MSH6: variants seen among roughly 807,000 people sequenced by gnomAD.
MSH6 encodes mutS homolog 6.
In MSH6, 85 loss-of-function variants were observed where a neutral mutation model predicts 119.1. The ratio of observed to expected loss-of-function variants is 0.71; its 90% CI spans 0.60 to 0.85. The LOEUF (loss-of-function observed/expected upper bound fraction) is 0.85, where lower values mean the gene tolerates loss of function less well. MSH6 is among the 40% of genes least tolerant of loss of function. The pLI is 0.00. For missense variants in MSH6, 2,163 were observed against 1,655.3 expected, an observed-to-expected ratio of 1.31 and a Z score of -5.32; for synonymous variants, 830 against 586.9, an observed-to-expected ratio of 1.41 and a Z score of -5.99.
In MSH6 at chr2:47,783,171, G is replaced by C. The variant is rs1668102693; in HGVS notation, c.-63G>C. On this transcript the variant is annotated 5_prime_UTR_variant, in exon 1 of 10. Transcript: ENST00000234420. ...GATTTCCCGCCAGCAGGAGCCGCGC[G>C]GTAGATGCGGTGCTTTTAGGAGCTC... The C allele has an allele frequency of 1.3e-6, 2 of 1,596,580 alleles. No individual in the cohort carries two copies. The highest frequency in any genetic ancestry group is 2.2e-5 in the South Asian group (2 of 89,198).
At chr2:47,802,402 C>T (rs765775128) in intron 4 of MSH6, among the ~76,000 whole-genome samples, 1 of 152,076 alleles carries the variant, frequency 6.6e-6, no homozygotes, top group Non-Finnish European at 1.5e-5. Context: ...GGATGACTAG[C>T]TCACTGCAGC....
At position 47,799,723 on chromosome 2, in the gene MSH6, G is replaced by A. The variant is rs762089407; in HGVS notation, c.1740G>A (p.Ser580=). 39 of 1,614,024 alleles carry A rather than the reference G, an allele frequency of 2.4e-5. No homozygotes were observed. Among genetic ancestry groups the A allele is most frequent in the Admixed American group, 2.0e-4 (12 of 59,982 alleles). Residue 580 remains serine (S), a synonymous_variant, in exon 4 of 10, where the codon TCG becomes TCA. Coordinates refer to ENST00000234420, the MANE Select transcript of MSH6 (RefSeq NM_000179.3). The part of the protein sequence containing the change: ...IGQFSDDRHC[S]RFRTLVAHYP... ...AGTTTTCAGATGATCGCCATTGTTC[G>A]AGATTTAGGACTCTAGTGGCACACT...
rs774984690 is a variant in MSH6 at position 47,806,580 on chromosome 2, G to GGAA, written c.3932_3934dup (p.Glu1311dup). The GGAA allele has an allele frequency of 6.2e-7, 1 of 1,613,548 alleles. No individual in the cohort carries two copies. Among genetic ancestry groups the GGAA allele is most frequent in the Non-Finnish European group, 8.5e-7 (1 of 1,179,812 alleles). ...CAGCAAGGCTTGCTAATCTCCCAGA[G>GGAA]GAAGTTATTCAAAAGGGACATAGAA... On this transcript the variant is annotated inframe_insertion, in exon 9 of 10. Transcript: ENST00000234420.
intron 2 of MSH6, among the ~76,000 whole-genome samples, chr2:47,795,621 ACCCTTGG>A (rs1371036591): frequency 2.0e-5 from 3 of 149,912 alleles, no homozygotes; most frequent in African/African-American, 4.9e-5. Flanking sequence ...GCACACCACC[ACCCTTGG>A]CTAATTTTTG....
At position 47,800,013 on chromosome 2, in the gene MSH6, G is replaced by C. The variant is rs587779224; in HGVS notation, c.2030G>C (p.Ser677Thr). 1.2e-5 allele frequency: 19 copies of C among 1,614,010 alleles called. No individual in the cohort carries two copies. Among genetic ancestry groups the C allele is most frequent in the Non-Finnish European group, 1.5e-5 (18 of 1,180,028 alleles). ...DSIGLTPGEK[S>T]ELALSALGGC... ...ATTGGGTTGACACCAGGAGAGAAAA[G>C]TGAATTGGCCCTCTCTGCTCTAGGT... is the stretch of plus-strand genomic sequence containing the variant. Residue 677 changes from serine to threonine, a missense_variant, in exon 4 of 10, where the codon AGT becomes ACT. Physicochemically the swap from Ser to Thr is moderately conservative, Grantham distance 58. Coordinates refer to ENST00000234420, the MANE Select transcript of MSH6 (RefSeq NM_000179.3).
At chr2:47,808,852 C>T, downstream of MSH6, 1 of 270,982 alleles carries the variant, frequency 3.7e-6, no homozygotes, top group East Asian at 7.5e-5. Context: ...TAGGTTTTTC[C>T]ATAGTTATGG....
At chr2:47,809,024 A>T (rs1670429779), downstream of MSH6, 1 of 585,022 alleles carries the variant, frequency 1.7e-6, no homozygotes, top group African/African-American at 1.9e-5. Flanking sequence ...CACGATCTTC[A>T]AGTAGATTGA....
chr2:47,803,146 G>C (rs1013979438), intron 4 of MSH6, among the ~76,000 whole-genome samples: 2 of 152,090 alleles, frequency 1.3e-5, no homozygotes, highest in African/African-American at 4.8e-5. Context: ...CTGAACTGCT[G>C]ACCTCGTGAA....
chr2:47,783,231 G>C lies in MSH6; in HGVS notation c.-3G>C, dbSNP rs1668107743. 6.2e-7 allele frequency: 1 copy of C among 1,611,200 alleles called. No individual in the cohort carries two copies. Among genetic ancestry groups the C allele is most frequent in the Non-Finnish European group, 8.5e-7 (1 of 1,179,296 alleles). On this transcript the variant is annotated 5_prime_UTR_variant, in exon 1 of 10. Transcript: ENST00000234420. The stretch of plus-strand genomic sequence containing the variant: ...GAACGGTTGGGCCTTGCCGGCTGTC[G>C]GTATGTCGCGACAGAGCACCCTGTA...
At chr2:47,804,179 C>G (rs975827721) in intron 5 of MSH6, among the ~76,000 whole-genome samples, 1 of 152,070 alleles carries the variant, frequency 6.6e-6, no homozygotes, top group African/African-American at 2.4e-5. Context: ...GGCACCATCA[C>G]AGCTCACTGC....
In MSH6 at chr2:47,803,458, GA is replaced by G; in HGVS notation, c.3212del (p.Asp1071ValfsTer8). The G allele has an allele frequency of 6.2e-7, 1 of 1,614,146 alleles. No homozygotes were observed. Among genetic ancestry groups the G allele is most frequent in the Non-Finnish European group, 8.5e-7 (1 of 1,180,038 alleles). On this transcript the variant is annotated frameshift_variant, in exon 5 of 10. Transcript: ENST00000234420. LOFTEE classifies it high-confidence loss of function. ...CCTGGCTAACTATAGTCGAGGGGGT[GA>G]TGGTCCTATGTGTCGCCCAGTAATT... ...LCLANYSRGG[D>X]GPMCRPVILL...
At chr2:47,794,099 G>A (rs1358446232) in intron 2 of MSH6, among the ~76,000 whole-genome samples, 2 of 151,290 alleles carry the variant, frequency 1.3e-5, no homozygotes, top group Non-Finnish European at 2.9e-5. Flanking sequence ...CCAGCACTTT[G>A]GGAGACTAAG....
In MSH6 at chr2:47,799,609, CAA is replaced by C. The variant is rs587779219; in HGVS notation, c.1628_1629del (p.Lys543ArgfsTer19). 2 of 1,614,028 alleles carry C rather than the reference CAA, an allele frequency of 1.2e-6. No homozygotes were observed. The highest frequency in any genetic ancestry group is 1.7e-6 in the Non-Finnish European group (2 of 1,180,008). ...ENYSKYLLSL[K>X]EKEEDSSGHT... is the part of the protein sequence containing the mutation. ...ACTACAGTAAGTATCTTCTTAGCCT[CAA>C]AGAAAAAGAGGAAGATTCTTCTGGC... On this transcript the variant is annotated frameshift_variant, in exon 4 of 10. Transcript: ENST00000234420. LOFTEE classifies it high-confidence loss of function.
chr2:47,791,826 C>T (rs1378263798), intron 2 of MSH6, among the ~76,000 whole-genome samples: 1 of 151,410 alleles, frequency 6.6e-6, no homozygotes. Flanking sequence ...TATAGGCACA[C>T]GCCACGTTGC....
intron 5 of MSH6, among the ~76,000 whole-genome samples, chr2:47,803,962 G>C (rs1359302634): frequency 6.6e-6 from 1 of 152,142 alleles, no homozygotes; most frequent in Non-Finnish European, 1.5e-5. Context: ...CAGAAGGTAG[G>C]TATATTCATA....
chr2:47,809,247 A>G, downstream of MSH6: 1 of 1,586,676 alleles, frequency 6.3e-7, no homozygotes, highest in Non-Finnish European at 8.6e-7. Flanking sequence ...TGGCATCTTG[A>G]TTGTTCATTA....
In MSH6 at chr2:47,800,259, T is replaced by G; in HGVS notation, c.2276T>G (p.Leu759Arg). ...GTNGSTEGTL[L>R]ERVDTCHTPF... ...AATGGTTCTACTGAAGGAACCCTAC[T>G]AGAGAGGGTTGATACTTGCCATACT... The change falls in exon 4 of 10, where the codon CTA becomes CGA. Residue 759 changes from leucine to arginine, a missense_variant. Leu to Arg is a moderately radical substitution (Grantham distance 102). Coordinates refer to ENST00000234420, the MANE Select transcript of MSH6 (RefSeq NM_000179.3). 6.2e-7 allele frequency: 1 copy of G among 1,614,044 alleles called. No individual in the cohort carries two copies. The highest frequency in any genetic ancestry group is 8.5e-7 in the Non-Finnish European group (1 of 1,179,910).
chr2:47,801,249 T>C, intron 4 of MSH6, 94 bp downstream of exon 4: 3 of 1,353,268 alleles, frequency 2.2e-6, no homozygotes, highest in Non-Finnish European at 3.1e-6. Context: ...AAGGTATATA[T>C]GGTACATATT....
chr2:47,798,860 C>T lies in MSH6; in HGVS notation c.877C>T (p.Pro293Ser), dbSNP rs756935130. The T allele has an allele frequency of 2.5e-6, 4 of 1,614,098 alleles. No homozygotes were observed. The highest frequency in any genetic ancestry group is 3.3e-5 in the Admixed American group (2 of 60,016). ...TAGTGAGAGTGAAGGCCTGAACAGC[C>T]CTGTCAAAGTTGCTCGAAAGCGGAA... ...GDSESEGLNS[P>S]VKVARKRKRM... The change falls in exon 4 of 10, where the codon CCT becomes TCT. Residue 293 changes from proline (P) to serine (S), a missense_variant. Transcript: ENST00000234420.
Sources: gnomAD v4.1 joint callset for allele counts (sites outside exome capture counted in the v4.1 genomes callset) on GRCh38, gnomAD v4.1.1 for gene constraint, MANE v1.5 for transcripts, NCBI Gene and HGNC (gene_info 2026-07-23, HGNC 2026-07-21) for gene names.